Variants in RBFOX1 observed in about 807,000 individuals in gnomAD.
RBFOX1 encodes RNA binding protein fox-1 homolog 1.
In RBFOX1, 8 loss-of-function variants were observed where a neutral mutation model predicts 57.7. That is an observed-to-expected ratio of 0.14 (90% CI 0.08 to 0.25). The LOEUF is 0.25. Ranked by LOEUF, RBFOX1 falls within the 10% of genes least tolerant of loss-of-function variation. RBFOX1 has a pLI of 1.00. For synonymous variants in RBFOX1, 326 were observed against 222.4 expected (o/e 1.47, Z -4.15); for missense variants, 611 against 548.5 (o/e 1.11, Z -1.14).
chr16:7,461,214 C>T (rs1244729097), intron 4 of RBFOX1, among the ~76,000 whole-genome samples: 3 of 151,612 alleles, frequency 2.0e-5, no homozygotes, highest in Admixed American at 1.3e-4. Flanking sequence ...TGTCCCCAGG[C>T]TGGAGTGCAG....
chr16:7,651,407 C>G (rs1568286807), intron 11 of RBFOX1, among the ~76,000 whole-genome samples: 2 of 152,188 alleles, frequency 1.3e-5, no homozygotes, highest in Admixed American at 6.5e-5. Context: ...TCTTGGAGTT[C>G]TAAGTGCACT....
intron 2 of RBFOX1, among the ~76,000 whole-genome samples, chr16:5,559,032 T>C (rs1169615648): frequency 6.6e-6 from 1 of 152,120 alleles, no homozygotes; most frequent in Non-Finnish European, 1.5e-5. Context: ...ATAGCAGTTA[T>C]GCTCACGTGG....
chr16:5,245,451 G>C (rs2062273990), intron 1 of RBFOX1, among the ~76,000 whole-genome samples: 1 of 152,216 alleles, frequency 6.6e-6, no homozygotes, highest in African/African-American at 2.4e-5. Context: ...AGTGGTTGAG[G>C]CTGTGGAAAT....
chr16:7,695,156 C>G (rs1249860759), intron 14 of RBFOX1, among the ~76,000 whole-genome samples: 2 of 152,090 alleles, frequency 1.3e-5, no homozygotes, highest in Admixed American at 6.6e-5. Flanking sequence ...AGAGAGATAT[C>G]CCTAGTCCTT....
chr16:6,267,391 T>C (rs940787964), intron 1 of RBFOX1, among the ~76,000 whole-genome samples: 2 of 152,350 alleles, frequency 1.3e-5, no homozygotes, highest in Admixed American at 6.5e-5. Flanking sequence ...CTCCTATGTG[T>C]CCCTCCTCTT....
intron 10 of RBFOX1, among the ~76,000 whole-genome samples, chr16:7,610,951 C>A (rs1277899305): frequency 7.0e-6 from 1 of 142,306 alleles, no homozygotes; most frequent in African/African-American, 2.4e-5. Context: ...TCTGAGTGTG[C>A]CTCAAAGCTG....
intron 3 of RBFOX1, among the ~76,000 whole-genome samples, chr16:6,815,506 C>T (rs1008786015): frequency 6.6e-6 from 1 of 152,116 alleles, no homozygotes; most frequent in Admixed American, 6.5e-5. Context: ...GATTATATTT[C>T]TAAATTGTCA....
intron 3 of RBFOX1, among the ~76,000 whole-genome samples, chr16:5,825,313 G>A (rs1380610698): frequency 3.3e-5 from 5 of 152,240 alleles, no homozygotes; most frequent in African/African-American, 4.8e-5. Context: ...CAGGCTGTGA[G>A]CAGGGTACTG....
At chr16:6,497,677 C>T (rs1260445868) in intron 2 of RBFOX1, among the ~76,000 whole-genome samples, 1 of 152,046 alleles carries the variant, frequency 6.6e-6, no homozygotes, top group Non-Finnish European at 1.5e-5. Context: ...CTGCCTCAGC[C>T]TCCTGAGTAG....
At chr16:5,398,681 A>G (rs1409420131) in intron 1 of RBFOX1, among the ~76,000 whole-genome samples, 1 of 152,010 alleles carries the variant, frequency 6.6e-6, no homozygotes, top group African/African-American at 2.4e-5. Context: ...AGCAAGGTTG[A>G]CAGTGGGGGA....
chr16:7,112,989 T>C (rs910891807), intron 4 of RBFOX1, among the ~76,000 whole-genome samples: 1 of 152,182 alleles, frequency 6.6e-6, no homozygotes, highest in Non-Finnish European at 1.5e-5. Context: ...ATTGGTTGGT[T>C]GTTCTTACAT....
chr16:5,292,585 G>C (rs2063561750), intron 1 of RBFOX1, among the ~76,000 whole-genome samples: 2 of 152,156 alleles, frequency 1.3e-5, no homozygotes, highest in Non-Finnish European at 1.5e-5. Context: ...GATTGGTGGA[G>C]GGGAGTCAAT....
chr16:5,931,532 C>G (rs993656914), intron 4 of RBFOX1, among the ~76,000 whole-genome samples: 6 of 152,156 alleles, frequency 3.9e-5, no homozygotes, highest in African/African-American at 1.2e-4. Flanking sequence ...GCATGCTCAA[C>G]CACATTCTGA....
chr16:6,201,921 G>A (rs193271844), intron 1 of RBFOX1, among the ~76,000 whole-genome samples: 10 of 152,282 alleles, frequency 6.6e-5, no homozygotes, highest in Admixed American at 3.9e-4. Context: ...ACAACTTAGA[G>A]CATGAGATGG....
intron 4 of RBFOX1, among the ~76,000 whole-genome samples, chr16:7,415,329 G>T (rs1231065341): frequency 2.0e-5 from 3 of 152,164 alleles, no homozygotes; most frequent in African/African-American, 4.8e-5. Context: ...TCTTCTGCCT[G>T]TGGAACCAGA....
chr16:7,178,184 C>T (rs2152502925), intron 4 of RBFOX1, among the ~76,000 whole-genome samples: 1 of 152,334 alleles, frequency 6.6e-6, no homozygotes, highest in Non-Finnish European at 1.5e-5. Context: ...ATGCAAAGCC[C>T]ACCATGGGCA....
chr16:6,831,379 A>G (rs1470939695), intron 3 of RBFOX1, among the ~76,000 whole-genome samples: 1 of 152,206 alleles, frequency 6.6e-6, no homozygotes, highest in Non-Finnish European at 1.5e-5. Context: ...CTGAGTTAAC[A>G]TATTTTAGTT....
At chr16:6,987,041 C>G (rs1024871977) in intron 3 of RBFOX1, among the ~76,000 whole-genome samples, 1 of 152,056 alleles carries the variant, frequency 6.6e-6, no homozygotes, top group African/African-American at 2.4e-5. Context: ...CAAATAAGGC[C>G]TTGTGGAGAG....
chr16:5,883,528 C>T (rs1297983121), intron 4 of RBFOX1, among the ~76,000 whole-genome samples: 1 of 152,150 alleles, frequency 6.6e-6, no homozygotes, highest in Admixed American at 6.5e-5. Flanking sequence ...GGCAAACCCA[C>T]AGTCCCAACG....
Sources: gnomAD v4.1 joint callset for allele counts (sites outside exome capture counted in the v4.1 genomes callset) on GRCh38, gnomAD v4.1.1 for gene constraint, MANE v1.5 for transcripts, NCBI Gene and HGNC (gene_info 2026-07-23, HGNC 2026-07-21) for gene names.